SDC3: variants seen among roughly 807,000 people sequenced by gnomAD.
The protein encoded by SDC3 is syndecan-3.
In SDC3, 13 loss-of-function variants were observed where a neutral mutation model predicts 24.4. That is an observed-to-expected ratio of 0.53 (90% CI 0.35 to 0.85). The LOEUF (loss-of-function observed/expected upper bound fraction) is 0.85. Ranked by LOEUF, SDC3 falls within the 40% of genes least tolerant of loss-of-function variation. The pLI is 0.01. For synonymous variants in SDC3, 295 were observed against 260.9 expected (o/e 1.13, Z -1.26); for missense variants, 571 against 584.5 (o/e 0.98, Z 0.24).
rs754660991 is a variant in SDC3, at chr1:30,876,700, G to A, written c.722C>T (p.Thr241Ile). The change falls in exon 3 of 5, where the codon ACC (threonine) becomes ATC (isoleucine). Residue 241 changes from threonine to isoleucine, a missense_variant. Transcript: ENST00000339394. ...GACCAGCCTGGGTGTTGGGGCCTCG[G>A]TGTCCAAGACAGCCGCCGTGGTGGG... is the stretch of plus-strand genomic sequence containing the variant. Reference protein sequence around the residue: ...SPPTTAAVLDTEAPTPRLVST... With the variant: ...SPPTTAAVLDIEAPTPRLVST... 6.2e-7 allele frequency: 1 copy of A among 1,602,680 alleles called. No homozygotes were observed. Among genetic ancestry groups the A allele is most frequent in the Non-Finnish European group, 8.5e-7 (1 of 1,174,086 alleles).
intron 1 of SDC3, among the ~76,000 whole-genome samples, chr1:30,891,157 G>A (rs1639898592): frequency 6.6e-6 from 1 of 152,226 alleles, no homozygotes; most frequent in South Asian, 2.1e-4. Context: ...ATGAGGATAT[G>A]TCCCTGCCAG....
intron 1 of SDC3, among the ~76,000 whole-genome samples, chr1:30,883,411 C>T (rs572743605): frequency 3.9e-5 from 6 of 152,164 alleles, no homozygotes; most frequent in East Asian, 1.9e-4. Context: ...TGACCAGAGG[C>T]GACATGAGCA....
intron 1 of SDC3, among the ~76,000 whole-genome samples, chr1:30,880,938 T>C (rs548316176): frequency 1.3e-5 from 2 of 151,454 alleles, no homozygotes; most frequent in South Asian, 4.2e-4. Flanking sequence ...CAGCTTCTCC[T>C]TGACCCTCAC....
At chr1:30,889,438 C>T (rs1056113755) in intron 1 of SDC3, among the ~76,000 whole-genome samples, 11 of 152,150 alleles carry the variant, frequency 7.2e-5, no homozygotes, top group Admixed American at 1.3e-4. Flanking sequence ...CCTCCATTCC[C>T]GGGGGCCCCA....
intron 1 of SDC3, among the ~76,000 whole-genome samples, chr1:30,907,817 T>C (rs1638555615): frequency 6.6e-6 from 1 of 151,856 alleles, no homozygotes; most frequent in South Asian, 2.1e-4. Flanking sequence ...CAAGTCACCC[T>C]CCACCTCCAC....
chr1:30,892,515 G>A lies in SDC3; in HGVS notation c.139-13775C>T, dbSNP rs138063885. 8.5e-3 allele frequency among the ~76,000 whole-genome samples: 1,293 copies of A among 152,338 alleles called. 22 individuals carry two copies. Among genetic ancestry groups the A allele is most frequent in the African/African-American group, 0.03 (1,231 of 41,570 alleles). The stretch of plus-strand genomic sequence containing the variant: ...AGAAACCAAAGCTCTGCAGTAGACA[G>A]TGCTTGTGGGAGAGGAACTGGGCTA... On this transcript the variant is annotated intron_variant, in intron 1 of 4. Coordinates refer to ENST00000339394, the MANE Select transcript of SDC3 (RefSeq NM_014654.4).
At chr1:30,900,799 C>G (rs1257492884) in intron 1 of SDC3, among the ~76,000 whole-genome samples, 2 of 152,012 alleles carry the variant, frequency 1.3e-5, no homozygotes, top group African/African-American at 4.8e-5. Flanking sequence ...TCTGGGCTGG[C>G]AGGCAGGGAT....
At chr1:30,882,107 C>T (rs1056989662) in intron 1 of SDC3, among the ~76,000 whole-genome samples, 3 of 152,168 alleles carry the variant, frequency 2.0e-5, no homozygotes, top group African/African-American at 4.8e-5. Context: ...TCCACATGTG[C>T]GCAGCCTACT....
chr1:30,879,563 C>T (rs1455199246), intron 1 of SDC3, among the ~76,000 whole-genome samples: 5 of 152,172 alleles, frequency 3.3e-5, no homozygotes, highest in Non-Finnish European at 5.9e-5. Context: ...CAACCTGAAC[C>T]AGCCAACCTG....
intron 1 of SDC3, among the ~76,000 whole-genome samples, chr1:30,887,275 C>T (rs949586056): frequency 2.0e-5 from 3 of 151,998 alleles, no homozygotes; most frequent in Non-Finnish European, 4.4e-5. Context: ...AAGGGTTGCC[C>T]GCTCCTGGGG....
chr1:30,894,353 A>AGT (rs3080395), intron 1 of SDC3, among the ~76,000 whole-genome samples: 47,910 of 83,204 alleles, frequency 0.58, 12,852 homozygotes, highest in South Asian at 0.7. Context: ...TGTGTGGATG[A>AGT]GTGTGTGTGA....
At chr1:30,888,171 C>T (rs1639856949) in intron 1 of SDC3, among the ~76,000 whole-genome samples, 2 of 152,204 alleles carry the variant, frequency 1.3e-5, no homozygotes, top group African/African-American at 4.8e-5. Flanking sequence ...GGCCTCCTTA[C>T]TCCACAGAGG....
rs968101984 is a variant in SDC3, at chr1:30,876,918, G to C, written c.504C>G (p.Ala168=). The C allele has an allele frequency of 1.8e-5, 29 of 1,613,852 alleles. No homozygotes were observed. The highest frequency in any genetic ancestry group is 2.5e-5 in the Non-Finnish European group (29 of 1,179,946). Residue 168 remains alanine, a synonymous_variant, in exon 3 of 5, where the codon GCC becomes GCG. Transcript: ENST00000339394. ...TVSTTMATTA[A]TSTGDPTVAT... ...CCACAGTCGGGTCCCCTGTGCTTGTGGCAGCAGTGGTAGCCATGGTAGTGG... is the reference window on the plus strand; with the variant it reads ...CCACAGTCGGGTCCCCTGTGCTTGTCGCAGCAGTGGTAGCCATGGTAGTGG...
At chr1:30,883,057 T>C (rs183279754) in intron 1 of SDC3, among the ~76,000 whole-genome samples, 2 of 152,336 alleles carry the variant, frequency 1.3e-5, no homozygotes, top group Non-Finnish European at 1.5e-5. Flanking sequence ...CTTTATCTCA[T>C]GTAAGCCTCA....
chr1:30,879,214 G>T (rs989833667), intron 1 of SDC3, among the ~76,000 whole-genome samples: 1 of 151,988 alleles, frequency 6.6e-6, no homozygotes, highest in Non-Finnish European at 1.5e-5. Flanking sequence ...CCAGAGTGAG[G>T]ATCTCAATCC....
intron 1 of SDC3, among the ~76,000 whole-genome samples, chr1:30,888,729 T>C (rs1639865915): frequency 6.6e-6 from 1 of 152,076 alleles, no homozygotes; most frequent in Admixed American, 6.5e-5. Flanking sequence ...GAGATGCCAC[T>C]CCCCGCCCCC....
intron 3 of SDC3, 48 bp downstream of exon 3, chr1:30,876,504 G>T: frequency 2.9e-6 from 4 of 1,373,236 alleles, no homozygotes; most frequent in Admixed American, 2.4e-5. Context: ...TCCCTCCCCT[G>T]ACCCACCCTC....
Position 30,873,319 on chromosome 1 carries a change from G to T in SDC3, c.1221C>A (p.Leu407=). 6.2e-7 allele frequency: 1 copy of T among 1,613,086 alleles called. No homozygotes were observed. Among genetic ancestry groups the T allele is most frequent in the Non-Finnish European group, 8.5e-7 (1 of 1,179,030 alleles). Residue 407 remains leucine (L), a synonymous_variant, in exon 5 of 5, where the codon CTC becomes CTA. Coordinates refer to ENST00000339394, the MANE Select transcript of SDC3 (RefSeq NM_014654.4). ...ALFAAFLVTL[L]IYRMKKKDEG... Reference sequence around the variant, plus strand: ...CATCCTTTTTCTTCATACGATAGATGAGCAGTGTGACCAAGAAGGCAGCAA... The same window carrying T: ...CATCCTTTTTCTTCATACGATAGATTAGCAGTGTGACCAAGAAGGCAGCAA...
At chr1:30,885,483 G>A (rs963277992) in intron 1 of SDC3, among the ~76,000 whole-genome samples, 7 of 152,168 alleles carry the variant, frequency 4.6e-5, no homozygotes, top group Non-Finnish European at 8.8e-5. Context: ...TTATTAGAGA[G>A]CGCACATCCT....
Sources: allele counts gnomAD v4.1 joint callset (sites outside exome capture counted in the v4.1 genomes callset), GRCh38; gene constraint gnomAD v4.1.1; transcripts MANE v1.5; gene names NCBI Gene and HGNC (gene_info 2026-07-23, HGNC 2026-07-21).